Variants in SLC25A26 observed in about 807,000 individuals in gnomAD.
The protein encoded by SLC25A26 is solute carrier family 25 member 26.
SLC25A26 carries 36 observed loss-of-function variants against 37.8 expected under a neutral mutation model. That is an observed-to-expected ratio of 0.95 (90% confidence interval 0.73 to 1.26). SLC25A26 has a LOEUF of 1.26. Ranked by LOEUF, SLC25A26 falls within the 50% of genes most tolerant of loss-of-function variation. The pLI is 0.00. For synonymous variants in SLC25A26, 129 were observed against 122.5 expected, an observed-to-expected ratio of 1.05 and a Z score of -0.35; for missense variants, 390 against 331.1, an observed-to-expected ratio of 1.18 and a Z score of -1.38.
intron 5 of SLC25A26, among the ~76,000 whole-genome samples, chr3:66,315,486 T>A (rs888971739): frequency 1.5e-4 from 23 of 152,166 alleles, no homozygotes; most frequent in Non-Finnish European, 2.9e-5. Context: ...TCTAAGAGAC[T>A]GTTTGTTATG....
chr3:66,376,128 C>T (rs767840616), intron 9 of SLC25A26, among the ~76,000 whole-genome samples: 5 of 151,276 alleles, frequency 3.3e-5, no homozygotes, highest in African/African-American at 1.2e-4. Flanking sequence ...GCCACAATCT[C>T]ATGATCAAAC....
intron 7 of SLC25A26, among the ~76,000 whole-genome samples, chr3:66,366,840 T>G (rs1575615714): frequency 6.6e-6 from 1 of 152,220 alleles, no homozygotes; most frequent in Non-Finnish European, 1.5e-5. Context: ...ATCATACATG[T>G]GACAGTCCCA....
chr3:66,253,557 A>G (rs1197332264), intron 3 of SLC25A26, among the ~76,000 whole-genome samples: 1 of 152,112 alleles, frequency 6.6e-6, no homozygotes, highest in African/African-American at 2.4e-5. Flanking sequence ...GCCACAAACC[A>G]AGGAGTGCAG....
At chr3:66,245,324 A>G (rs1478658094) in intron 3 of SLC25A26, among the ~76,000 whole-genome samples, 1 of 151,392 alleles carries the variant, frequency 6.6e-6, no homozygotes, top group Non-Finnish European at 1.5e-5. Context: ...AAGTTTCTTC[A>G]TTCCCCTCAT....
chr3:66,315,975 C>T (rs2075527993), intron 5 of SLC25A26, among the ~76,000 whole-genome samples: 1 of 152,092 alleles, frequency 6.6e-6, no homozygotes, highest in Admixed American at 6.6e-5. Flanking sequence ...GTAAATTTTC[C>T]TCCATCCTTT....
At chr3:66,294,669 A>G (rs1456999457) in intron 5 of SLC25A26, among the ~76,000 whole-genome samples, 3 of 152,210 alleles carry the variant, frequency 2.0e-5, no homozygotes, top group Non-Finnish European at 2.9e-5. Context: ...TAGTCTTAGA[A>G]TATCAGCATT....
At chr3:66,287,630 A>G (rs373774927) in intron 5 of SLC25A26, among the ~76,000 whole-genome samples, 22 of 152,368 alleles carry the variant, frequency 1.4e-4, no homozygotes, top group African/African-American at 5.3e-4. Context: ...TGTAGTAAAA[A>G]TAATTTCAAC....
chr3:66,193,315 T>G (rs2070980979), intron 1 of SLC25A26, among the ~76,000 whole-genome samples: 1 of 152,122 alleles, frequency 6.6e-6, no homozygotes, highest in African/African-American at 2.4e-5. Flanking sequence ...TTGCATGAGG[T>G]GACTTATTTT....
chr3:66,154,780 C>T (rs1204231592), intron 1 of SLC25A26, among the ~76,000 whole-genome samples: 2 of 152,114 alleles, frequency 1.3e-5, no homozygotes, highest in African/African-American at 2.4e-5. Context: ...CAGCGCCCGG[C>T]GGGCCTTGTT....
chr3:66,336,764 TGTG>T (rs924771535), intron 5 of SLC25A26, among the ~76,000 whole-genome samples: 16 of 152,258 alleles, frequency 1.1e-4, no homozygotes, highest in African/African-American at 3.8e-4. Context: ...CTTTAAAAAT[TGTG>T]GTGTGATACA....
intron 7 of SLC25A26, among the ~76,000 whole-genome samples, chr3:66,366,902 A>C (rs1405407129): frequency 6.6e-6 from 1 of 152,208 alleles, no homozygotes; most frequent in Non-Finnish European, 1.5e-5. Context: ...GTAAAATGAG[A>C]ATAGTAACAC....
At chr3:66,347,849 A>C (rs2076361573) in intron 6 of SLC25A26, among the ~76,000 whole-genome samples, 1 of 152,202 alleles carries the variant, frequency 6.6e-6, no homozygotes, top group South Asian at 2.1e-4. Flanking sequence ...GCTGGAAGCC[A>C]TTATCCTCAG....
intron 1 of SLC25A26, among the ~76,000 whole-genome samples, chr3:66,179,470 A>G (rs999308489): frequency 5.3e-5 from 8 of 152,232 alleles, no homozygotes; most frequent in Non-Finnish European, 1.0e-4. Context: ...AGAAATTTAA[A>G]GAGTATATCT....
At chr3:66,258,005 T>C (rs1034243337) in intron 3 of SLC25A26, among the ~76,000 whole-genome samples, 3 of 152,182 alleles carry the variant, frequency 2.0e-5, no homozygotes, top group African/African-American at 7.2e-5. Context: ...GCCATCAACA[T>C]TGATCCTGGC....
chr3:66,300,933 T>G (rs865896347), intron 5 of SLC25A26, among the ~76,000 whole-genome samples: 1 of 152,234 alleles, frequency 6.6e-6, no homozygotes, highest in Non-Finnish European at 1.5e-5. Flanking sequence ...TAAAAATTAC[T>G]TGTTTGGATT....
intron 5 of SLC25A26, among the ~76,000 whole-genome samples, chr3:66,331,144 T>G (rs1340885509): frequency 2.0e-5 from 3 of 152,110 alleles, no homozygotes; most frequent in South Asian, 2.1e-4. Flanking sequence ...ACTTCTGGGT[T>G]TTCTAGGGCA....
chr3:66,169,421 G>A (rs565181063), intron 1 of SLC25A26, among the ~76,000 whole-genome samples: 43 of 152,304 alleles, frequency 2.8e-4, no homozygotes, highest in Non-Finnish European at 5.0e-4. Context: ...CCGTTTCTGA[G>A]TGCTTCACAC....
chr3:66,249,305 C>G (rs1576711678), intron 3 of SLC25A26, among the ~76,000 whole-genome samples: 2 of 152,166 alleles, frequency 1.3e-5, no homozygotes, highest in South Asian at 2.1e-4. Context: ...ACTGACAAGG[C>G]CGTTGGACCC....
chr3:66,210,482 A>AAATGTCCT (rs1381363450), intron 1 of SLC25A26, among the ~76,000 whole-genome samples: 1 of 152,074 alleles, frequency 6.6e-6, no homozygotes, highest in Non-Finnish European at 1.5e-5. Context: ...TGGCATATGC[A>AAATGTCCT]AATGTCCTGA....
Sources: allele counts gnomAD v4.1 joint callset (sites outside exome capture counted in the v4.1 genomes callset), GRCh38; gene constraint gnomAD v4.1.1; transcripts MANE v1.5; gene names NCBI Gene and HGNC (gene_info 2026-07-23, HGNC 2026-07-21).